The following DISC1 variants were observed in gnomAD, a reference collection of about 807,000 sequenced individuals.
The protein encoded by DISC1 is DISC1 scaffold protein.
In DISC1, 57 loss-of-function variants were observed where a neutral mutation model predicts 84.5. The observed-to-expected ratio is 0.67, with a 90% confidence interval of 0.55 to 0.84. The LOEUF is 0.84. Among genes scored for constraint, DISC1 ranks in the 40% least tolerant of loss-of-function variants. The pLI, the probability that DISC1 is intolerant of heterozygous loss-of-function variation, is 0.00. For missense variants in DISC1, 1,000 were observed against 1,057.8 expected, an observed-to-expected ratio of 0.95 and a Z score of 0.76; for synonymous variants, 411 against 415.2, an observed-to-expected ratio of 0.99 and a Z score of 0.12.
intron 9 of DISC1, among the ~76,000 whole-genome samples, chr1:231,924,563 G>C (rs549422927): frequency 1.4e-4 from 21 of 152,262 alleles, no homozygotes; most frequent in South Asian, 8.3e-4. Flanking sequence ...GTGATACTGA[G>C]AATCCTGATT....
At chr1:231,893,039 T>C (rs2087378341) in intron 9 of DISC1, among the ~76,000 whole-genome samples, 1 of 152,180 alleles carries the variant, frequency 6.6e-6, no homozygotes, top group South Asian at 2.1e-4. Flanking sequence ...GGCTGGTGCC[T>C]GTAGTTCCAG....
intron 6 of DISC1, among the ~76,000 whole-genome samples, chr1:231,777,913 CTCACG>C (rs2077076878): frequency 6.6e-6 from 1 of 152,182 alleles, no homozygotes; most frequent in South Asian, 2.1e-4. Flanking sequence ...AAGCAGTGCC[CTCACG>C]TCTTTGGCGA....
chr1:232,029,014 C>T (rs1669748380), intron 12 of DISC1, among the ~76,000 whole-genome samples: 1 of 152,122 alleles, frequency 6.6e-6, no homozygotes, highest in Non-Finnish European at 1.5e-5. Flanking sequence ...CCCCATGGTC[C>T]TATTAGGCCC....
intron 9 of DISC1, chr1:231,855,405 GTGATA>G: frequency 1.0e-6 from 1 of 985,288 alleles, no homozygotes; most frequent in Middle Eastern, 5.2e-4. Flanking sequence ...TTCATCCACA[GTGATA>G]GAATGTTCCC....
intron 6 of DISC1, among the ~76,000 whole-genome samples, chr1:231,775,928 G>A (rs2076932008): frequency 6.6e-6 from 1 of 152,080 alleles, no homozygotes; most frequent in Non-Finnish European, 1.5e-5. Context: ...TGTGGGGGTG[G>A]GGGAGGGAGG....
intron 11 of DISC1, among the ~76,000 whole-genome samples, chr1:232,017,056 T>C (rs767033194): frequency 7.2e-5 from 11 of 152,222 alleles, no homozygotes; most frequent in Non-Finnish European, 1.3e-4. Context: ...TTCTTTGTGT[T>C]GTGGGCAGGC....
chr1:231,642,060 G>C (rs1328686878), intron 1 of DISC1, among the ~76,000 whole-genome samples: 4 of 152,234 alleles, frequency 2.6e-5, no homozygotes, highest in African/African-American at 4.8e-5. Flanking sequence ...GGGAGGCTCA[G>C]GCATGGCGGG....
At chr1:231,674,795 C>T (rs1311030510) in intron 1 of DISC1, among the ~76,000 whole-genome samples, 2 of 152,220 alleles carry the variant, frequency 1.3e-5, no homozygotes, top group Non-Finnish European at 2.9e-5. Context: ...GCCAATATGA[C>T]AACACAGCCT....
intron 10 of DISC1, among the ~76,000 whole-genome samples, chr1:231,966,029 G>A (rs1225644088): frequency 4.6e-5 from 7 of 152,186 alleles, no homozygotes; most frequent in Admixed American, 4.6e-4. Flanking sequence ...ATTCTAAGTG[G>A]TTGTCGTGCT....
intron 10 of DISC1, among the ~76,000 whole-genome samples, chr1:231,995,425 G>C (rs541138654): frequency 2.8e-3 from 418 of 151,810 alleles, no homozygotes; most frequent in African/African-American, 9.4e-3. Flanking sequence ...GTGCCATGCT[G>C]GTGTGCTGCA....
intron 9 of DISC1, among the ~76,000 whole-genome samples, chr1:231,834,876 C>T (rs781517254): frequency 7.2e-5 from 11 of 152,206 alleles, no homozygotes; most frequent in Non-Finnish European, 1.3e-4. Context: ...GCAGACATCC[C>T]CGTGTGATTA....
At chr1:232,008,084 A>G (rs1286569599) in intron 10 of DISC1, among the ~76,000 whole-genome samples, 1 of 152,190 alleles carries the variant, frequency 6.6e-6, no homozygotes, top group African/African-American at 2.4e-5. Flanking sequence ...CTGTGAGTCA[A>G]TTAAACCTCT....
intron 8 of DISC1, among the ~76,000 whole-genome samples, chr1:231,806,790 C>A (rs1031208384): frequency 7.9e-5 from 12 of 152,254 alleles, no homozygotes; most frequent in Non-Finnish European, 1.5e-4. Flanking sequence ...ACGCTCCCGC[C>A]CTCTGCCCAG....
At chr1:231,834,746 G>A (rs185059725) in intron 9 of DISC1, among the ~76,000 whole-genome samples, 401 of 152,106 alleles carry the variant, frequency 2.6e-3, no homozygotes, top group Non-Finnish European at 4.4e-3. Flanking sequence ...GTAGAGACAC[G>A]GAGAGAAGGG....
intron 9 of DISC1, among the ~76,000 whole-genome samples, chr1:231,851,779 C>T (rs201749929): frequency 4.3e-4 from 66 of 152,252 alleles, no homozygotes; most frequent in Middle Eastern, 3.4e-3. Flanking sequence ...ACTCATGGGC[C>T]GGCGGAAGAA....
At chr1:231,674,896 C>T (rs1217051368) in intron 1 of DISC1, among the ~76,000 whole-genome samples, 2 of 152,176 alleles carry the variant, frequency 1.3e-5, no homozygotes, top group Non-Finnish European at 2.9e-5. Flanking sequence ...TTTGTTTTCA[C>T]CCCATTCCTA....
At chr1:232,029,249 C>G (rs962780485) in intron 12 of DISC1, among the ~76,000 whole-genome samples, 2 of 152,204 alleles carry the variant, frequency 1.3e-5, no homozygotes, top group Non-Finnish European at 2.9e-5. Flanking sequence ...GATTTCAACC[C>G]AGACTTTTCT....
At chr1:231,867,525 C>T (rs1016983582) in intron 9 of DISC1, among the ~76,000 whole-genome samples, 1 of 152,130 alleles carries the variant, frequency 6.6e-6, no homozygotes, top group African/African-American at 2.4e-5. Flanking sequence ...GGAGCATCCC[C>T]ATCAGATACA....
chr1:231,904,854 A>G (rs1016245288), intron 9 of DISC1, among the ~76,000 whole-genome samples: 3 of 152,186 alleles, frequency 2.0e-5, no homozygotes, highest in Admixed American at 6.5e-5. Context: ...TCCCAAAGTC[A>G]GCCAGATTGG....
Sources: allele counts gnomAD v4.1 joint callset (sites outside exome capture counted in the v4.1 genomes callset), GRCh38; gene constraint gnomAD v4.1.1; transcripts MANE v1.5; gene names NCBI Gene and HGNC (gene_info 2026-07-23, HGNC 2026-07-21).